ASCC1: variants seen among roughly 807,000 people sequenced by gnomAD.
ASCC1 encodes activating signal cointegrator 1 complex subunit 1.
In ASCC1, 35 loss-of-function variants were observed where a neutral mutation model predicts 46.6. The observed-to-expected ratio is 0.75, with a 90% CI of 0.57 to 0.99. ASCC1 has a LOEUF of 0.99. Among genes scored for constraint, ASCC1 ranks in the 50% least tolerant of loss-of-function variants. ASCC1 has a pLI of 0.00. For missense variants in ASCC1, 376 were observed against 428.7 expected (o/e 0.88, Z 1.09); for synonymous variants, 143 against 146.6 (o/e 0.98, Z 0.18).
chr10:72,132,589 C>T (rs1037511006), intron 8 of ASCC1, among the ~76,000 whole-genome samples: 2 of 152,086 alleles, frequency 1.3e-5, no homozygotes, highest in African/African-American at 4.8e-5. Context: ...CAGCAGCAAC[C>T]CATCTCCAGC....
At chr10:72,163,927 T>C (rs1367109184) in intron 5 of ASCC1, among the ~76,000 whole-genome samples, 1 of 152,150 alleles carries the variant, frequency 6.6e-6, no homozygotes, top group Non-Finnish European at 1.5e-5. Context: ...TATCATCTGA[T>C]AAAAGCATTC....
At chr10:72,153,721 T>C (rs1313186352) in intron 6 of ASCC1, among the ~76,000 whole-genome samples, 3 of 150,390 alleles carry the variant, frequency 2.0e-5, no homozygotes, top group Admixed American at 2.0e-4. Flanking sequence ...CCACCACGCC[T>C]GGCCTTTTTT....
At chr10:72,113,598 C>G (rs934186147) in intron 9 of ASCC1, among the ~76,000 whole-genome samples, 1 of 152,154 alleles carries the variant, frequency 6.6e-6, no homozygotes, top group African/African-American at 2.4e-5. Flanking sequence ...TTTGGTGAAA[C>G]ACAGCTTAGA....
chr10:72,179,906 A>G (rs1852346957), intron 5 of ASCC1, among the ~76,000 whole-genome samples: 1 of 152,246 alleles, frequency 6.6e-6, no homozygotes, highest in African/African-American at 2.4e-5. Context: ...AAGTGGAAAC[A>G]ATCCAAATGT....
chr10:72,154,738 T>C (rs1246237115), intron 6 of ASCC1, among the ~76,000 whole-genome samples: 2 of 152,100 alleles, frequency 1.3e-5, no homozygotes, highest in Non-Finnish European at 2.9e-5. Context: ...GACATCTGCC[T>C]GCCTTGGCCT....
chr10:72,099,935 A>G (rs1841546284), intron 9 of ASCC1, among the ~76,000 whole-genome samples: 1 of 152,212 alleles, frequency 6.6e-6, no homozygotes, highest in Admixed American at 6.5e-5. Flanking sequence ...GCTATGGAAA[A>G]TTAGTATTTC....
intron 9 of ASCC1, among the ~76,000 whole-genome samples, chr10:72,112,498 C>A (rs998644767): frequency 7.2e-5 from 11 of 151,986 alleles, no homozygotes; most frequent in African/African-American, 2.7e-4. Context: ...TGATGATGGT[C>A]GCGTAACAAC....
At chr10:72,209,791 ATAAATAAAT>A (rs1020382242) in intron 3 of ASCC1, among the ~76,000 whole-genome samples, 43 of 152,078 alleles carry the variant, frequency 2.8e-4, no homozygotes, top group African/African-American at 8.7e-4. Context: ...CTCAAAATAA[ATAAATAAAT>A]TAAATAAATT....
intron 1 of ASCC1, 24 bp from the exon 2 acceptor site, chr10:72,213,355 A>T: frequency 1.5e-6 from 2 of 1,298,910 alleles, no homozygotes; most frequent in Non-Finnish European, 2.2e-6. Flanking sequence ...TTACCATCTT[A>T]CCTTTCTTAG....
intron 7 of ASCC1, among the ~76,000 whole-genome samples, chr10:72,142,399 C>T (rs1847126582): frequency 1.3e-5 from 2 of 150,570 alleles, no homozygotes; most frequent in Admixed American, 1.3e-4. Context: ...CTGAGTCTTC[C>T]TCTGTTGCCC....
At chr10:72,150,185 C>CAA (rs1203103055) in intron 7 of ASCC1, among the ~76,000 whole-genome samples, 5 of 133,564 alleles carry the variant, frequency 3.7e-5, no homozygotes, top group African/African-American at 1.4e-4. Context: ...AACTCTGTCT[C>CAA]AAAAAAAAAA....
At chr10:72,191,427 T>C (rs530587734) in intron 5 of ASCC1, among the ~76,000 whole-genome samples, 5 of 151,924 alleles carry the variant, frequency 3.3e-5, no homozygotes, top group South Asian at 2.1e-4. Context: ...TAGGGAGTTA[T>C]ATATCAGTGT....
chr10:72,190,105 C>T, intron 5 of ASCC1: 2 of 759,220 alleles, frequency 2.6e-6, no homozygotes, highest in Non-Finnish European at 4.8e-6. Flanking sequence ...GCTGCAAGAC[C>T]AAGCAAGGTT....
chr10:72,184,819 A>G (rs1853212474), intron 5 of ASCC1, among the ~76,000 whole-genome samples: 2 of 151,972 alleles, frequency 1.3e-5, no homozygotes, highest in South Asian at 2.1e-4. Flanking sequence ...ATAACACAAT[A>G]GTAAGAAACA....
At chr10:72,192,875 T>A (rs941138175) in intron 5 of ASCC1, among the ~76,000 whole-genome samples, 1 of 152,030 alleles carries the variant, frequency 6.6e-6, no homozygotes, top group African/African-American at 2.4e-5. Flanking sequence ...AAAAAGCACA[T>A]GAAAAAATGT....
At position 72,178,827 on chromosome 10, in the gene ASCC1, C is replaced by A. The variant is rs570881843; in HGVS notation, c.490-17153G>T. Among the ~76,000 whole-genome samples, 576 of 152,226 alleles carry A rather than the reference C, an allele frequency of 3.8e-3. 4 individuals carry two copies. The highest frequency in any genetic ancestry group is 0.013 in the African/African-American group (544 of 41,522). On this transcript the variant is annotated intron_variant, in intron 5 of 9. Transcript: ENST00000672957. ...AACCTGATATTTCAACAGAATCTTT[C>A]ATATCAGAGATCCCAAAAGCACTTG...
intron 5 of ASCC1, among the ~76,000 whole-genome samples, chr10:72,179,421 G>C (rs1852277627): frequency 6.6e-6 from 1 of 152,226 alleles, no homozygotes; most frequent in Non-Finnish European, 1.5e-5. Flanking sequence ...TTGGTCAGTT[G>C]ATTAGCAAGC....
intron 5 of ASCC1, among the ~76,000 whole-genome samples, chr10:72,171,954 G>A (rs1358006201): frequency 6.6e-6 from 1 of 152,164 alleles, no homozygotes; most frequent in Non-Finnish European, 1.5e-5. Context: ...TAAAAGTTGG[G>A]ACAGTGGTTA....
At chr10:72,120,112 C>G (rs1844014622) in intron 9 of ASCC1, among the ~76,000 whole-genome samples, 1 of 152,102 alleles carries the variant, frequency 6.6e-6, no homozygotes, top group East Asian at 1.9e-4. Flanking sequence ...CCTGTAATCC[C>G]AGATACTCGG....
Sources: allele counts gnomAD v4.1 joint callset (sites outside exome capture counted in the v4.1 genomes callset), GRCh38; gene constraint gnomAD v4.1.1; transcripts MANE v1.5; gene names NCBI Gene and HGNC (gene_info 2026-07-23, HGNC 2026-07-21).